ZMAT5: variants seen among roughly 807,000 people sequenced by gnomAD.
The protein encoded by ZMAT5 is zinc finger matrin-type protein 5.
ZMAT5 carries 23 observed loss-of-function variants against 28.0 expected under a neutral mutation model. The ratio of observed to expected loss-of-function variants is 0.82; its 90% CI spans 0.59 to 1.16. ZMAT5 has a LOEUF of 1.16. Ranked by LOEUF, ZMAT5 falls within the 50% of genes most tolerant of loss-of-function variation. The pLI, the probability that ZMAT5 is intolerant of heterozygous loss-of-function variation, is 0.00. For missense variants in ZMAT5, 173 were observed against 212.7 expected, an observed-to-expected ratio of 0.81 and a Z score of 1.16; for synonymous variants, 76 against 84.1, an observed-to-expected ratio of 0.90 and a Z score of 0.52.
intron 3 of ZMAT5, among the ~76,000 whole-genome samples, chr22:29,741,339 C>T (rs2067961041): frequency 6.6e-6 from 1 of 152,180 alleles, no homozygotes; most frequent in Non-Finnish European, 1.5e-5. Context: ...CACATCAAGG[C>T]AAAGTCTGTA....
At position 29,736,387 on chromosome 22, in the gene ZMAT5, C is replaced by T. The variant is rs542170356; in HGVS notation, c.383+1943G>A. Among the ~76,000 whole-genome samples, 21 of 152,248 alleles carry T rather than the reference C, an allele frequency of 1.4e-4. 1 individual carries two copies. The South Asian group carries it at 2.7e-3, about 20-fold the overall frequency. ...AAGGTGGGGAGACAAAAACTGAACA[C>T]GGATTTAAAATAAAGGTAAAAGACA... On this transcript the variant is annotated intron_variant, in intron 5 of 5. Transcript: ENST00000344318.
At chr22:29,739,984 C>T in intron 4 of ZMAT5, among the ~76,000 whole-genome samples, 1 of 152,236 alleles carries the variant, frequency 6.6e-6, no homozygotes. Context: ...CTTAAGGGGG[C>T]AGGCACTGAG....
Position 29,748,483 on chromosome 22 carries a change from C to T in ZMAT5, c.62G>A (p.Arg21His), listed in dbSNP as rs766708114. Residue 21 changes from arginine to histidine, a missense_variant, in exon 2 of 6, where the codon CGC (arginine) becomes CAC (histidine). Arg to His is a conservative substitution (Grantham distance 29). Coordinates refer to ENST00000344318, the MANE Select transcript of ZMAT5 (RefSeq NM_001003692.2). Reference protein sequence around the residue: ...DRSFQDNLHNRKKHLNGLQHL... With the variant: ...DRSFQDNLHNHKKHLNGLQHL... ...CTGCAGCCCGTTCAGGTGCTTCTTG[C>T]GGTTGTGGAGGTTGTCCTGGAAGGA... 1.2e-5 allele frequency: 20 copies of T among 1,614,122 alleles called. No individual in the cohort carries two copies. Among genetic ancestry groups the T allele is most frequent in the Non-Finnish European group, 1.4e-5 (17 of 1,180,048 alleles).
intron 5 of ZMAT5, among the ~76,000 whole-genome samples, chr22:29,737,267 G>A (rs1244318491): frequency 2.0e-5 from 3 of 150,936 alleles, no homozygotes; most frequent in Non-Finnish European, 4.4e-5. Context: ...GGCAGAGGTT[G>A]CAGTGAGCTG....
chr22:29,735,294 C>G (rs1055790957), intron 5 of ZMAT5, among the ~76,000 whole-genome samples: 1 of 152,196 alleles, frequency 6.6e-6, no homozygotes, highest in Admixed American at 6.5e-5. Context: ...GCTGGACAGG[C>G]CTGCTCTGCC....
At chr22:29,763,419 T>C (rs959362146) in intron 1 of ZMAT5, among the ~76,000 whole-genome samples, 4 of 151,526 alleles carry the variant, frequency 2.6e-5, no homozygotes, top group African/African-American at 9.7e-5. Context: ...CTGACCAACA[T>C]GGTGAAACCC....
intron 5 of ZMAT5, 160 bp from the exon 6 acceptor site, chr22:29,731,514 G>A: frequency 1.1e-6 from 1 of 911,694 alleles, no homozygotes; most frequent in Non-Finnish European, 1.6e-6. Flanking sequence ...GACCGTTTGA[G>A]CCAGCGACCT....
chr22:29,743,287 C>T (rs1569336720), intron 2 of ZMAT5, among the ~76,000 whole-genome samples: 2 of 152,210 alleles, frequency 1.3e-5, no homozygotes, highest in African/African-American at 2.4e-5. Flanking sequence ...AATCCCTGGC[C>T]TCTGTCTCCC....
intron 1 of ZMAT5, 115 bp downstream of exon 1, chr22:29,766,757 G>C (rs1225984518): frequency 2.6e-5 from 4 of 152,528 alleles, no homozygotes; most frequent in Non-Finnish European, 5.9e-5. Flanking sequence ...ACTTGGGGCT[G>C]GTGCAGGGGA....
chr22:29,738,736 G>A (rs2067932095), intron 4 of ZMAT5, among the ~76,000 whole-genome samples: 1 of 152,132 alleles, frequency 6.6e-6, no homozygotes, highest in Admixed American at 6.5e-5. Context: ...AGGCGTGGTG[G>A]CTCACGTCTG....
intron 2 of ZMAT5, among the ~76,000 whole-genome samples, chr22:29,744,989 C>A (rs1308814754): frequency 6.6e-6 from 1 of 152,226 alleles, no homozygotes; most frequent in Non-Finnish European, 1.5e-5. Flanking sequence ...CCTGGTGCCT[C>A]ATGTTTCTTT....
chr22:29,766,009 G>A (rs1476738920), intron 1 of ZMAT5, among the ~76,000 whole-genome samples: 5 of 152,112 alleles, frequency 3.3e-5, no homozygotes, highest in Non-Finnish European at 7.4e-5. Flanking sequence ...ACCCTTCAAT[G>A]GCCTCCTAGT....
At chr22:29,748,322 A>C in intron 2 of ZMAT5, 96 bp downstream of exon 2, 1 of 1,580,482 alleles carries the variant, frequency 6.3e-7, no homozygotes, top group Non-Finnish European at 8.7e-7. Context: ...CAAAGAGCCC[A>C]GACCTAGACT....
intron 4 of ZMAT5, among the ~76,000 whole-genome samples, chr22:29,739,442 C>T (rs527923684): frequency 3.3e-5 from 5 of 152,276 alleles, no homozygotes; most frequent in South Asian, 2.1e-4. Flanking sequence ...CACTTGGGGC[C>T]GGGCCCTGGG....
Position 29,730,975 on chromosome 22 carries a change from T to C in ZMAT5, c.*250A>G. On this transcript the variant is annotated 3_prime_UTR_variant, in exon 6 of 6. Coordinates refer to ENST00000344318, the MANE Select transcript of ZMAT5 (RefSeq NM_001003692.2). ...GACCACTGTGGTGACAGACTTTCTT[T>C]ATAAACATTTGGAAGTTTTCTCCCC... 2 of 356,148 alleles carry C rather than the reference T, an allele frequency of 5.6e-6. No individual in the cohort carries two copies. Among genetic ancestry groups the C allele is most frequent in the Non-Finnish European group, 1.0e-5 (2 of 200,802 alleles). 22.1% of individuals were successfully genotyped at this position (356,148 alleles called of 1,614,324 possible).
At chr22:29,756,644 C>G (rs1227133962) in intron 1 of ZMAT5, among the ~76,000 whole-genome samples, 1 of 152,162 alleles carries the variant, frequency 6.6e-6, no homozygotes, top group African/African-American at 2.4e-5. Flanking sequence ...CACAGTGGCT[C>G]ACACTTGTAA....
chr22:29,752,949 C>T (rs1285612445), intron 1 of ZMAT5, among the ~76,000 whole-genome samples: 7 of 152,190 alleles, frequency 4.6e-5, no homozygotes, highest in South Asian at 2.1e-4. Context: ...TCACTGAGCA[C>T]CACCTGGGCA....
At chr22:29,766,634 C>T (rs1279350154) in intron 1 of ZMAT5, among the ~76,000 whole-genome samples, 3 of 152,220 alleles carry the variant, frequency 2.0e-5, no homozygotes, top group African/African-American at 7.2e-5. Context: ...GGTGCGAAGC[C>T]CAGGGGTGAG....
At chr22:29,748,314 A>G (rs773098185) in intron 2 of ZMAT5, 104 bp downstream of exon 2, 21 of 1,565,424 alleles carry the variant, frequency 1.3e-5, no homozygotes, top group Admixed American at 1.7e-5. Context: ...TTGATCCTCA[A>G]AGAGCCCAGA....
Sources: gnomAD v4.1 joint callset for allele counts (sites outside exome capture counted in the v4.1 genomes callset) on GRCh38, gnomAD v4.1.1 for gene constraint, MANE v1.5 for transcripts, NCBI Gene and HGNC (gene_info 2026-07-23, HGNC 2026-07-21) for gene names.